Variants in CFAP210 observed in about 807,000 individuals in gnomAD.
CFAP210 encodes the protein cilia and flagella associated protein 210, also known as cilia- and flagella- associated protein 210.
At chr2:169,686,770 T>C in the CFAP210 span, among the ~76,000 whole-genome samples, 1 of 152,230 alleles carries the variant, frequency 6.6e-6, no homozygotes, top group Non-Finnish European at 1.5e-5. Flanking sequence ...TACTGTCATT[T>C]TGGGAATTAA....
At chr2:169,681,150 G>T in the CFAP210 span, 1 of 1,613,914 alleles carries the variant, frequency 6.2e-7, no homozygotes, top group Non-Finnish European at 8.5e-7. Context: ...TCATCGTGTG[G>T]AATTATGGTG....
chr2:169,674,845 T>C, the CFAP210 span: 3 of 1,497,296 alleles, frequency 2.0e-6, no homozygotes, highest in Non-Finnish European at 2.7e-6. Flanking sequence ...TATATAAAAA[T>C]ACAAGAAAAC....
chr2:169,655,747 A>C, the CFAP210 span, among the ~76,000 whole-genome samples: 1 of 152,202 alleles, frequency 6.6e-6, no homozygotes, highest in African/African-American at 2.4e-5. Flanking sequence ...GAGACATAAA[A>C]ATTATTCCAC....
the CFAP210 span, among the ~76,000 whole-genome samples, chr2:169,667,135 CTT>C: frequency 3.3e-5 from 4 of 120,284 alleles, no homozygotes; most frequent in South Asian, 2.6e-4. Flanking sequence ...CACAAATTTT[CTT>C]TTTTCTTTTT....
the CFAP210 span, among the ~76,000 whole-genome samples, chr2:169,676,025 G>GT: frequency 6.6e-6 from 1 of 152,116 alleles, no homozygotes; most frequent in African/African-American, 2.4e-5. Context: ...AAATTTAGGT[G>GT]TTTCGTCTGG....
At chr2:169,694,341 C>A in the CFAP210 span, 1 of 1,613,582 alleles carries the variant, frequency 6.2e-7, no homozygotes, top group Non-Finnish European at 8.5e-7. Flanking sequence ...GCTCCTAGAT[C>A]TGGAAAAGTG....
the CFAP210 span, among the ~76,000 whole-genome samples, chr2:169,646,376 C>T: frequency 0.016 from 2,459 of 152,170 alleles, 64 homozygotes; most frequent in African/African-American, 0.055. Flanking sequence ...TGCAATGAAA[C>T]CTTTATTAAT....
chr2:169,685,633 CTTGGG>C, the CFAP210 span, among the ~76,000 whole-genome samples: 13 of 152,056 alleles, frequency 8.5e-5, no homozygotes, highest in East Asian at 2.1e-3. Context: ...ATCTGTTTTT[CTTGGG>C]TTGATTGTGC....
the CFAP210 span, among the ~76,000 whole-genome samples, chr2:169,665,681 G>A: frequency 6.6e-6 from 1 of 152,214 alleles, no homozygotes; most frequent in Admixed American, 6.5e-5. Flanking sequence ...CTTGCTGGAG[G>A]TTTTATAGGA....
the CFAP210 span, among the ~76,000 whole-genome samples, chr2:169,665,545 G>A: frequency 2.6e-5 from 4 of 152,130 alleles, no homozygotes; most frequent in African/African-American, 9.6e-5. Flanking sequence ...TGGCATGAGG[G>A]TAAAAGAATT....
chr2:169,645,747 A>G, the CFAP210 span: 2 of 787,840 alleles, frequency 2.5e-6, no homozygotes, highest in Admixed American at 5.8e-5. Flanking sequence ...AATTGTACTT[A>G]GATGAAGAAC....
chr2:169,677,322 T>G, the CFAP210 span, among the ~76,000 whole-genome samples: 1 of 152,168 alleles, frequency 6.6e-6, no homozygotes, highest in African/African-American at 2.4e-5. Context: ...ATTAATAACA[T>G]TTTAGCAAAT....
the CFAP210 span, chr2:169,648,205 GA>G: frequency 5.8e-6 from 1 of 172,164 alleles, no homozygotes; most frequent in Non-Finnish European, 1.2e-5. Flanking sequence ...AAACCAAACA[GA>G]AAAGGACAAA....
the CFAP210 span, among the ~76,000 whole-genome samples, chr2:169,664,547 T>A: frequency 0.037 from 5,595 of 152,304 alleles, 165 homozygotes; most frequent in East Asian, 0.18. Context: ...TTTGGGTAGT[T>A]TGAATAGACT....
the CFAP210 span, among the ~76,000 whole-genome samples, chr2:169,694,034 C>T: frequency 6.6e-6 from 1 of 152,142 alleles, no homozygotes; most frequent in East Asian, 1.9e-4. Flanking sequence ...TTTCTGTAAA[C>T]ATTCTCCCAC....
the CFAP210 span, chr2:169,675,015 G>T: frequency 1.3e-6 from 2 of 1,515,572 alleles, no homozygotes; most frequent in East Asian, 2.4e-5. Flanking sequence ...CTTCTTTTTG[G>T]CTTCAAGTTT....
At chr2:169,647,380 C>A in the CFAP210 span, among the ~76,000 whole-genome samples, 4 of 151,918 alleles carry the variant, frequency 2.6e-5, no homozygotes, top group Non-Finnish European at 5.9e-5. Flanking sequence ...ATGATTGGTA[C>A]CTCACATTTG....
At chr2:169,675,922 T>C in the CFAP210 span, among the ~76,000 whole-genome samples, 2 of 152,220 alleles carry the variant, frequency 1.3e-5, no homozygotes, top group African/African-American at 4.8e-5. Context: ...TCCTTATTGG[T>C]CCTATTTCCT....
the CFAP210 span, among the ~76,000 whole-genome samples, chr2:169,683,581 G>A: frequency 2.0e-5 from 3 of 152,224 alleles, no homozygotes; most frequent in Non-Finnish European, 4.4e-5. Flanking sequence ...AACTTAATTC[G>A]CTAAAATTCT....
Sources: allele counts gnomAD v4.1 joint callset (sites outside exome capture counted in the v4.1 genomes callset), GRCh38; gene constraint gnomAD v4.1.1; transcripts MANE v1.5; gene names NCBI Gene and HGNC (gene_info 2026-07-23, HGNC 2026-07-21).